TMEFF2: variants seen among roughly 807,000 people sequenced by gnomAD.
TMEFF2 encodes tomoregulin-2.
In TMEFF2, 28 loss-of-function variants were observed where a neutral mutation model predicts 53.8. The observed-to-expected ratio is 0.52, with a 90% confidence interval of 0.39 to 0.71. The LOEUF (loss-of-function observed/expected upper bound fraction) is 0.71. Ranked by LOEUF, TMEFF2 falls within the 30% of genes least tolerant of loss-of-function variation. TMEFF2 has a pLI of 0.00. For synonymous variants in TMEFF2, 162 were observed against 166.3 expected (o/e 0.97, Z 0.20); for missense variants, 353 against 455.2 (o/e 0.78, Z 2.04).
intron 5 of TMEFF2, among the ~76,000 whole-genome samples, chr2:192,004,058 G>A (rs1290455365): frequency 6.6e-6 from 1 of 152,026 alleles, no homozygotes; most frequent in East Asian, 1.9e-4. Flanking sequence ...TTGACATCCT[G>A]GTACCTAGTA....
chr2:192,193,751 GATAGATAGAT>G lies in TMEFF2; in HGVS notation c.172+592_172+601del, dbSNP rs1409196486. On this transcript the variant is annotated intron_variant, in intron 1 of 9. Coordinates refer to ENST00000272771, the MANE Select transcript of TMEFF2 (RefSeq NM_016192.4). The stretch of plus-strand genomic sequence containing the variant: ...GAGAAGGGAATGAGAGAGAGAGAGA[GATAGATAGAT>G]AGAGAGAGAGAGAGAGAGAGAGAGA... 5.2e-3 allele frequency among the ~76,000 whole-genome samples: 141 copies of G among 27,104 alleles called. 1 individual carries two copies. Among genetic ancestry groups the G allele is most frequent in the Middle Eastern group, 0.016 (1 of 62 alleles). The allele number at this position is 27,104 out of a possible 152,430, so 17.8% of individuals were successfully genotyped here.
intron 4 of TMEFF2, among the ~76,000 whole-genome samples, chr2:192,084,374 T>C (rs1688620153): frequency 6.6e-6 from 1 of 152,192 alleles, no homozygotes; most frequent in Non-Finnish European, 1.5e-5. Flanking sequence ...TTCCAAATAG[T>C]GCCAATTCTG....
chr2:192,026,345 A>G (rs1686969932), intron 5 of TMEFF2, among the ~76,000 whole-genome samples: 1 of 152,168 alleles, frequency 6.6e-6, no homozygotes, highest in South Asian at 2.1e-4. Context: ...GCATAACCCT[A>G]TAGCAGCTCA....
At chr2:192,186,009 A>C (rs1691302803) in intron 2 of TMEFF2, among the ~76,000 whole-genome samples, 1 of 152,148 alleles carries the variant, frequency 6.6e-6, no homozygotes, top group South Asian at 2.1e-4. Context: ...TATTTTATAA[A>C]TATTCTTTAT....
intron 4 of TMEFF2, among the ~76,000 whole-genome samples, chr2:192,113,050 A>G (rs74271775): frequency 0.062 from 9,478 of 152,282 alleles, 839 homozygotes; most frequent in East Asian, 0.45. Flanking sequence ...CTTCTTGGAA[A>G]TAATGATCTG....
intron 4 of TMEFF2, among the ~76,000 whole-genome samples, chr2:192,165,184 C>G (rs192641393): frequency 6.6e-6 from 1 of 152,196 alleles, no homozygotes; most frequent in East Asian, 1.9e-4. Flanking sequence ...TTATAATTTT[C>G]TGTTATAAAT....
chr2:192,041,262 C>T (rs548727196), intron 5 of TMEFF2, among the ~76,000 whole-genome samples: 1 of 152,224 alleles, frequency 6.6e-6, no homozygotes, highest in East Asian at 1.9e-4. Context: ...ACTCTTACAG[C>T]TCAATAACAA....
intron 4 of TMEFF2, among the ~76,000 whole-genome samples, chr2:192,105,205 TAG>T (rs1237825296): frequency 1.3e-5 from 2 of 151,938 alleles, no homozygotes; most frequent in Non-Finnish European, 2.9e-5. Flanking sequence ...GTTCATGAGA[TAG>T]AGAGGTTGAT....
intron 4 of TMEFF2, among the ~76,000 whole-genome samples, chr2:192,123,623 C>G (rs1026781076): frequency 6.6e-6 from 1 of 152,162 alleles, no homozygotes; most frequent in Non-Finnish European, 1.5e-5. Flanking sequence ...CACTGATATT[C>G]CACTACAACC....
intron 4 of TMEFF2, among the ~76,000 whole-genome samples, chr2:192,158,721 T>C (rs1418736371): frequency 1.3e-5 from 2 of 152,020 alleles, no homozygotes; most frequent in Non-Finnish European, 2.9e-5. Context: ...CTCCTAAAGC[T>C]AGAAAAACAA....
In TMEFF2 at chr2:191,955,524, ATTTTTT is replaced by A. The variant is rs71405028; in HGVS notation, c.869+725_869+730del. Among the ~76,000 whole-genome samples, 12 of 60,292 alleles carry A rather than the reference ATTTTTT, an allele frequency of 2.0e-4. 1 individual carries two copies. Among genetic ancestry groups the A allele is most frequent in the East Asian group, 1.3e-3 (2 of 1,556 alleles). The allele number at this position is 60,292 out of a possible 152,430, so 39.6% of individuals were successfully genotyped here. A position where few individuals can be genotyped will look rare whatever the true frequency, so the allele number is the denominator to read the frequency against. On this transcript the variant is annotated intron_variant, in intron 8 of 9. Coordinates refer to ENST00000272771, the MANE Select transcript of TMEFF2 (RefSeq NM_016192.4). ...TGCCACCGTGCCTGGCTAATTCTTA[ATTTTTT>A]TTTTTTTTTTTTTTTTTTAGAGATA...
chr2:192,058,516 T>C (rs1687966921), intron 4 of TMEFF2, among the ~76,000 whole-genome samples: 1 of 152,128 alleles, frequency 6.6e-6, no homozygotes, highest in Non-Finnish European at 1.5e-5. Context: ...AGTGCAAAAA[T>C]AGGCAATATA....
At chr2:191,951,905 T>C (rs1691897503) in intron 9 of TMEFF2, among the ~76,000 whole-genome samples, 1 of 152,184 alleles carries the variant, frequency 6.6e-6, no homozygotes, top group Non-Finnish European at 1.5e-5. Flanking sequence ...AGTAAGTCTA[T>C]GTGCCTTGGA....
At chr2:192,157,421 AT>A (rs1690531141) in intron 4 of TMEFF2, among the ~76,000 whole-genome samples, 1 of 152,024 alleles carries the variant, frequency 6.6e-6, no homozygotes, top group Non-Finnish European at 1.5e-5. Context: ...GTATATAAGT[AT>A]TAAAGCTTAA....
At chr2:192,164,928 A>C (rs1690723188) in intron 4 of TMEFF2, among the ~76,000 whole-genome samples, 1 of 152,008 alleles carries the variant, frequency 6.6e-6, no homozygotes, top group Non-Finnish European at 1.5e-5. Flanking sequence ...ATATAGCAAT[A>C]TATAAAAGTT....
At chr2:191,958,932 C>T (rs1692186533) in intron 7 of TMEFF2, among the ~76,000 whole-genome samples, 1 of 152,012 alleles carries the variant, frequency 6.6e-6, no homozygotes, top group South Asian at 2.1e-4. Flanking sequence ...GCTAGTAATG[C>T]AATAGACATA....
intron 2 of TMEFF2, 123 bp downstream of exon 2, chr2:192,191,757 C>T (rs1691466086): frequency 1.6e-6 from 1 of 640,330 alleles, no homozygotes; most frequent in Admixed American, 2.9e-5. Context: ...AGTACTTTTG[C>T]TTGGTGCCAG....
chr2:191,998,081 T>C (rs1317147273), intron 7 of TMEFF2, among the ~76,000 whole-genome samples, 181 bp downstream of exon 7: 1 of 151,974 alleles, frequency 6.6e-6, no homozygotes. Context: ...AAAAACCGTA[T>C]GTCTTCTTTG....
At chr2:192,056,191 C>T (rs978047508) in intron 5 of TMEFF2, among the ~76,000 whole-genome samples, 42 of 152,028 alleles carry the variant, frequency 2.8e-4, no homozygotes, top group African/African-American at 1.0e-3. Context: ...CTGCTCTAGG[C>T]AAGCACAGTC....
Sources: gnomAD v4.1 joint callset for allele counts (sites outside exome capture counted in the v4.1 genomes callset) on GRCh38, gnomAD v4.1.1 for gene constraint, MANE v1.5 for transcripts, NCBI Gene and HGNC (gene_info 2026-07-23, HGNC 2026-07-21) for gene names.